Variants in PRAG1 observed in about 807,000 individuals in gnomAD.
PRAG1 encodes inactive tyrosine-protein kinase PRAG1.
PRAG1 carries 110 observed loss-of-function variants against 95.6 expected under a neutral mutation model. The ratio of observed to expected loss-of-function variants is 1.15; its 90% CI spans 0.99 to 1.35. The LOEUF (loss-of-function observed/expected upper bound fraction) is 1.35, where lower values mean the gene tolerates loss of function less well. Ranked by LOEUF, PRAG1 falls within the 40% of genes most tolerant of loss-of-function variation. The probability of loss-of-function intolerance (pLI) is 0.00; values close to 1 mark genes in which losing one functional copy is unlikely to be tolerated. For missense variants in PRAG1, 2,554 were observed against 1,864.7 expected (o/e 1.37, Z -6.81); for synonymous variants, 1,052 against 819.4 (o/e 1.28, Z -4.85).
In PRAG1 at chr8:8,376,572, G is replaced by T. The variant is rs1471835835; in HGVS notation, c.1837C>A (p.Pro613Thr). Reference sequence around the variant, plus strand: ...GAGGCTGACGAGGCGGCAGGCTGGGGACACCTGGATGGGTCACTGATAGCG... The same window carrying T: ...GAGGCTGACGAGGCGGCAGGCTGGGTACACCTGGATGGGTCACTGATAGCG... The part of the protein sequence containing the change: ...GVAISDPSRC[P>T]QPAASSASEQ... The change falls in exon 3 of 6, where the codon CCC (proline) becomes ACC (threonine). Residue 613 changes from proline to threonine, a missense_variant. Transcript: ENST00000615670. The T allele has an allele frequency of 1.2e-6, 2 of 1,607,472 alleles. No individual in the cohort carries two copies. The highest frequency in any genetic ancestry group is 3.4e-5 in the Admixed American group (2 of 59,664).
rs189604957 is a variant in PRAG1, at chr8:8,328,086, G to A, written c.2696C>T (p.Ala899Val). ...SGHWLPAAGL[A>V]GNRGGCGSPG... ...GCTCCCGCAGCCGCCTCTGTTGCCCGCCAGCCCTGCTGCCGGAAGCCAGTG... is the reference window on the plus strand; with the variant it reads ...GCTCCCGCAGCCGCCTCTGTTGCCCACCAGCCCTGCTGCCGGAAGCCAGTG... The change falls in exon 5 of 6, where the codon GCG becomes GTG. Residue 899 changes from alanine (A) to valine (V), a missense_variant. Ala to Val is a moderately conservative substitution (Grantham distance 64). Coordinates refer to ENST00000615670, the MANE Select transcript of PRAG1 (RefSeq NM_001080826.3). 1.1e-4 allele frequency: 181 copies of A among 1,609,252 alleles called. 3 individuals carry two copies. In the African/African-American group the frequency reaches 2.2e-3, roughly 19 times the overall value.
chr8:8,351,564 G>T (rs986656167), intron 3 of PRAG1, among the ~76,000 whole-genome samples: 1 of 152,146 alleles, frequency 6.6e-6, no homozygotes, highest in Admixed American at 6.5e-5. Context: ...TTGAGGACAT[G>T]CATTATTCTA....
rs1800641740 is a variant in PRAG1 at position 8,381,433 on chromosome 8, A to C, written c.315T>G (p.Ser105Arg). The C allele has an allele frequency of 1.2e-6, 2 of 1,606,834 alleles. No individual in the cohort carries two copies. Among genetic ancestry groups the C allele is most frequent in the Admixed American group, 3.3e-5 (2 of 59,802 alleles). The change falls in exon 2 of 6, where the codon AGT (serine) becomes AGG (arginine). Residue 105 changes from serine (S) to arginine (R), a missense_variant. Ser to Arg is a moderately radical substitution (Grantham distance 110). Transcript: ENST00000615670. ...ASDVWTEANL[S>R]AEVSQVIWRR... ...TCAGCCTCACCTGCGAGACTTCGGCACTCAGGTTGGCCTCTGTCCACACAT... is the reference window on the plus strand; with the variant it reads ...TCAGCCTCACCTGCGAGACTTCGGCCCTCAGGTTGGCCTCTGTCCACACAT...
intron 3 of PRAG1, among the ~76,000 whole-genome samples, chr8:8,369,138 C>G (rs1800109458): frequency 6.6e-6 from 1 of 151,748 alleles, no homozygotes. Flanking sequence ...TGATGGGTCC[C>G]CAGTGAAATA....
chr8:8,383,158 C>A (rs1418683107), intron 1 of PRAG1, among the ~76,000 whole-genome samples: 1 of 152,124 alleles, frequency 6.6e-6, no homozygotes, highest in African/African-American at 2.4e-5. Context: ...AGCCGGGTAC[C>A]CCAAAAATCA....
chr8:8,326,884 G>T (rs901442719), intron 5 of PRAG1, among the ~76,000 whole-genome samples: 1 of 152,172 alleles, frequency 6.6e-6, no homozygotes, highest in Non-Finnish European at 1.5e-5. Flanking sequence ...ATTACTGTTA[G>T]GATTAGAGGT....
intron 3 of PRAG1, among the ~76,000 whole-genome samples, chr8:8,353,722 G>A (rs1400875864): frequency 2.6e-5 from 4 of 152,088 alleles, no homozygotes; most frequent in Non-Finnish European, 5.9e-5. Flanking sequence ...CTGAAAGACT[G>A]TTTGAGCCTA....
chr8:8,348,054 C>G (rs1799404101), intron 3 of PRAG1, among the ~76,000 whole-genome samples: 2 of 152,162 alleles, frequency 1.3e-5, no homozygotes, highest in Non-Finnish European at 2.9e-5. Context: ...GTGACTGGGA[C>G]TACAGGTGCA....
At chr8:8,356,123 C>G (rs1382367306) in intron 3 of PRAG1, among the ~76,000 whole-genome samples, 1 of 152,128 alleles carries the variant, frequency 6.6e-6, no homozygotes, top group Non-Finnish European at 1.5e-5. Flanking sequence ...AGGATCTGAA[C>G]AGACATTTAT....
chr8:8,320,544 C>T (rs1798440661), intron 5 of PRAG1, among the ~76,000 whole-genome samples: 1 of 152,186 alleles, frequency 6.6e-6, no homozygotes, highest in African/African-American at 2.4e-5. Flanking sequence ...CTGTCATTAC[C>T]CTGAAAGGGA....
At chr8:8,373,616 A>T (rs1261520597) in intron 3 of PRAG1, among the ~76,000 whole-genome samples, 1 of 151,612 alleles carries the variant, frequency 6.6e-6, no homozygotes, top group Admixed American at 6.6e-5. Flanking sequence ...TCCCTGGCTG[A>T]TTTTCATATC....
intron 4 of PRAG1, among the ~76,000 whole-genome samples, chr8:8,332,697 G>A (rs1441438125): frequency 6.8e-6 from 1 of 147,570 alleles, no homozygotes; most frequent in Non-Finnish European, 1.5e-5. Flanking sequence ...AATACTCTTG[G>A]GGATACTTTG....
chr8:8,354,409 G>T lies in PRAG1; in HGVS notation c.2163-14774C>A, dbSNP rs541270890. On this transcript the variant is annotated intron_variant, in intron 3 of 5. Coordinates refer to ENST00000615670, the MANE Select transcript of PRAG1 (RefSeq NM_001080826.3). ...AAAAAAAAATAATAATAAAGCTAGAGGGAATACTTCCAAAAACTTTTTATG... is the reference window on the plus strand; with the variant it reads ...AAAAAAAAATAATAATAAAGCTAGATGGAATACTTCCAAAAACTTTTTATG... Among the ~76,000 whole-genome samples the T allele has an allele frequency of 1.3e-4, 19 of 151,920 alleles. No homozygotes were observed. In the South Asian group the frequency reaches 3.7e-3, roughly 30 times the overall value.
chr8:8,318,193 C>T lies in PRAG1; in HGVS notation c.4182G>A (p.Gly1394=), dbSNP rs748547036. The T allele has an allele frequency of 6.8e-6, 11 of 1,613,994 alleles. No individual in the cohort carries two copies. The South Asian group carries it at 8.8e-5, about 13-fold the overall frequency. ...CCQYLASAEP[G]ALLQSLKLLQ... The stretch of plus-strand genomic sequence containing the variant: ...GGAGCTTCAGCGACTGTAAGAGGGC[C>T]CCGGGCTCCGCAGACGCCAGGTACT... Residue 1394 remains glycine (G), a synonymous_variant, in exon 6 of 6, where the codon GGG becomes GGA. Transcript: ENST00000615670. The surrounding 1 kb of genome is among the most constrained non-coding windows in gnomAD (Gnocchi z 4.2).
chr8:8,377,742 G>T lies in PRAG1; in HGVS notation c.667C>A (p.Gln223Lys), dbSNP rs767953452. ...AFAGTTSGCH[Q>K]GPGPLRESLP... ...GATTCCCGCAGGGGCCCAGGGCCCTGGTGACAGCCAGATGTGGTCCCAGCA... is the reference window on the plus strand; with the variant it reads ...GATTCCCGCAGGGGCCCAGGGCCCTTGTGACAGCCAGATGTGGTCCCAGCA... Residue 223 changes from glutamine (Q) to lysine (K), a missense_variant, in exon 3 of 6, where the codon CAG becomes AAG. Physicochemically the swap from Gln to Lys is moderately conservative, Grantham distance 53. Transcript: ENST00000615670. 1.2e-6 allele frequency: 2 copies of T among 1,614,090 alleles called. No homozygotes were observed. The highest frequency in any genetic ancestry group is 2.2e-5 in the South Asian group (2 of 91,084).
intron 3 of PRAG1, among the ~76,000 whole-genome samples, chr8:8,352,288 A>G (rs1015609735): frequency 1.3e-5 from 2 of 152,176 alleles, no homozygotes; most frequent in Admixed American, 6.5e-5. Context: ...TCTTATCTGC[A>G]TCTCAACAGG....
chr8:8,383,478 G>C (rs1315139453), intron 1 of PRAG1, among the ~76,000 whole-genome samples: 1 of 152,096 alleles, frequency 6.6e-6, no homozygotes, highest in Admixed American at 6.5e-5. Context: ...CTACTTGGGA[G>C]GCTGAGGTAG....
At chr8:8,341,976 C>G (rs1166618895) in intron 3 of PRAG1, among the ~76,000 whole-genome samples, 2 of 151,860 alleles carry the variant, frequency 1.3e-5, no homozygotes, top group Non-Finnish European at 2.9e-5. Flanking sequence ...ACTAATCATA[C>G]AAAAATTAGC....
intron 2 of PRAG1, among the ~76,000 whole-genome samples, chr8:8,378,420 G>T (rs1487485246): frequency 6.6e-6 from 1 of 152,230 alleles, no homozygotes; most frequent in Non-Finnish European, 1.5e-5. Context: ...GCAACCAGCT[G>T]CTGGGTGACA....
Sources: allele counts gnomAD v4.1 joint callset (sites outside exome capture counted in the v4.1 genomes callset), GRCh38; gene constraint gnomAD v4.1.1; non-coding constraint Gnocchi (gnomAD v3.1); transcripts MANE v1.5; gene names NCBI Gene and HGNC (gene_info 2026-07-23, HGNC 2026-07-21).